The following WWOX variants were observed in gnomAD, a reference collection of about 807,000 sequenced individuals.
WWOX encodes the protein WW domain-containing oxidoreductase.
WWOX carries 69 observed loss-of-function variants against 46.2 expected under a neutral mutation model. The observed-to-expected ratio is 1.49, with a 90% confidence interval of 1.23 to 1.82. The LOEUF is 1.82. Among genes scored for constraint, WWOX ranks in the 40% most tolerant of loss-of-function variants. The probability of loss-of-function intolerance (pLI) is 0.00; values close to 1 mark genes in which losing one functional copy is unlikely to be tolerated. For missense variants in WWOX, 919 were observed against 542.6 expected (o/e 1.69, Z -6.89); for synonymous variants, 359 against 202.6 (o/e 1.77, Z -6.56).
chr16:78,119,687 A>G (rs1763677526), intron 4 of WWOX, among the ~76,000 whole-genome samples: 1 of 151,932 alleles, frequency 6.6e-6, no homozygotes, highest in South Asian at 2.1e-4. Flanking sequence ...GTTGGTCTCA[A>G]ACTCCTGGGT....
Position 78,677,043 on chromosome 16 carries a change from A to G in WWOX, c.1056+244291A>G, listed in dbSNP as rs146331414. Among the ~76,000 whole-genome samples, 22 of 145,072 alleles carry G rather than the reference A, an allele frequency of 1.5e-4. No homozygotes were observed. In the East Asian group the frequency reaches 4.5e-3, roughly 29 times the overall value. On this transcript the variant is annotated intron_variant, in intron 8 of 8. Coordinates refer to ENST00000566780, the MANE Select transcript of WWOX (RefSeq NM_016373.4). ...AAAAGCAACAAAAGCAGTTTTTATG[A>G]ATACCTAGCGTACTTTTTTTTTTTA...
chr16:78,118,396 A>G (rs1567581220), intron 4 of WWOX, among the ~76,000 whole-genome samples: 1 of 152,148 alleles, frequency 6.6e-6, no homozygotes, highest in Non-Finnish European at 1.5e-5. Context: ...TTTTATAATT[A>G]AGGTTTATAG....
chr16:78,205,593 C>G (rs923298108), intron 5 of WWOX, among the ~76,000 whole-genome samples: 1 of 151,924 alleles, frequency 6.6e-6, no homozygotes, highest in African/African-American at 2.4e-5. Context: ...ACTCACCCAC[C>G]CATCCATACA....
intron 6 of WWOX, among the ~76,000 whole-genome samples, chr16:78,404,528 A>G (rs1236496683): frequency 1.3e-5 from 2 of 152,140 alleles, no homozygotes; most frequent in Non-Finnish European, 2.9e-5. Context: ...TGTATGAATA[A>G]TAGTCACTTT....
At chr16:79,045,802 T>C (rs2048054860) in intron 8 of WWOX, among the ~76,000 whole-genome samples, 2 of 103,844 alleles carry the variant, frequency 1.9e-5, no homozygotes, top group African/African-American at 8.3e-5. Flanking sequence ...TTTTTTTTTT[T>C]TTTTTTTTTT....
At chr16:78,668,830 G>A (rs1012750348) in intron 8 of WWOX, among the ~76,000 whole-genome samples, 3 of 152,194 alleles carry the variant, frequency 2.0e-5, no homozygotes, top group African/African-American at 7.2e-5. Flanking sequence ...TTCAGAGCGT[G>A]TCTGAGTCTT....
At chr16:78,692,037 C>G (rs1213865905) in intron 8 of WWOX, among the ~76,000 whole-genome samples, 1 of 152,194 alleles carries the variant, frequency 6.6e-6, no homozygotes. Context: ...GTGCCTTTTG[C>G]CTACCACCAT....
At chr16:78,927,475 C>A (rs2045525070) in intron 8 of WWOX, among the ~76,000 whole-genome samples, 1 of 152,132 alleles carries the variant, frequency 6.6e-6, no homozygotes, top group Non-Finnish European at 1.5e-5. Flanking sequence ...CTCTTTTCAT[C>A]CCCTTGCCTC....
At chr16:79,136,300 G>A (rs937077620) in intron 8 of WWOX, among the ~76,000 whole-genome samples, 4 of 151,310 alleles carry the variant, frequency 2.6e-5, no homozygotes, top group African/African-American at 7.3e-5. Context: ...GTGCAATCTC[G>A]GCTCACTGCA....
chr16:78,422,182 T>C (rs73572807), intron 6 of WWOX, among the ~76,000 whole-genome samples: 13,209 of 152,164 alleles, frequency 0.087, 1,654 homozygotes, highest in African/African-American at 0.28. Flanking sequence ...AAGAACTCTT[T>C]ATATACTAAA....
chr16:78,971,622 G>C (rs1385417864), intron 8 of WWOX, among the ~76,000 whole-genome samples: 1 of 151,974 alleles, frequency 6.6e-6, no homozygotes, highest in Non-Finnish European at 1.5e-5. Context: ...GGTACTGGGT[G>C]GACCAAATCT....
chr16:79,136,695 C>T (rs1337313098), intron 8 of WWOX, among the ~76,000 whole-genome samples: 1 of 152,178 alleles, frequency 6.6e-6, no homozygotes, highest in East Asian at 1.9e-4. Flanking sequence ...TTTCTAGTTG[C>T]ATGACCTGGG....
Position 78,432,306 on chromosome 16 carries a change from A to G in WWOX, c.792-182A>G, listed in dbSNP as rs139187704. ...TTTTTAGTAGAGATGGCATTTTGCCATGTTGGCCAGGCTGGTCTTGAACTC... is the reference window on the plus strand; with the variant it reads ...TTTTTAGTAGAGATGGCATTTTGCCGTGTTGGCCAGGCTGGTCTTGAACTC... On this transcript the variant is annotated intron_variant, in intron 7 of 8. Transcript: ENST00000566780. Among the ~76,000 whole-genome samples the G allele has an allele frequency of 0.018, 2,662 of 152,114 alleles. 39 individuals carry two copies. The highest frequency in any genetic ancestry group is 0.029 in the Non-Finnish European group (2,000 of 67,986).
chr16:78,482,147 T>C (rs1291317551), intron 8 of WWOX, among the ~76,000 whole-genome samples: 1 of 151,262 alleles, frequency 6.6e-6, no homozygotes, highest in Non-Finnish European at 1.5e-5. Flanking sequence ...TTCATGTCTT[T>C]TTACATCACA....
intron 8 of WWOX, among the ~76,000 whole-genome samples, chr16:78,708,197 CAACAAA>C (rs1049406223): frequency 1.2e-4 from 18 of 151,966 alleles, no homozygotes; most frequent in African/African-American, 3.9e-4. Flanking sequence ...TGTCTTAAAA[CAACAAA>C]AACAAAAACA....
intron 8 of WWOX, among the ~76,000 whole-genome samples, chr16:78,461,229 G>T (rs754724180): frequency 3.9e-5 from 6 of 152,156 alleles, no homozygotes; most frequent in African/African-American, 1.4e-4. Flanking sequence ...GAGCCCACCT[G>T]TCCAATTCTA....
intron 8 of WWOX, among the ~76,000 whole-genome samples, chr16:78,913,387 G>C (rs778192079): frequency 6.6e-6 from 1 of 151,880 alleles, no homozygotes; most frequent in African/African-American, 2.4e-5. Flanking sequence ...GTTGGAAGAC[G>C]AGACGTTGGC....
At position 79,147,232 on chromosome 16, in the gene WWOX, A is replaced by C. The variant is rs74662190; in HGVS notation, c.1057-64376A>C. Among the ~76,000 whole-genome samples, 427 of 152,308 alleles carry C rather than the reference A, an allele frequency of 2.8e-3. 9 individuals carry two copies. The East Asian group carries it at 0.059, about 21-fold the overall frequency. On this transcript the variant is annotated intron_variant, in intron 8 of 8. Transcript: ENST00000566780. Reference sequence around the variant, plus strand: ...CAAAATTCCCTTGCGTTGCCTTGCAAACCACACCCACCTTCCTTCTGCGCC... The same window carrying C: ...CAAAATTCCCTTGCGTTGCCTTGCACACCACACCCACCTTCCTTCTGCGCC...
chr16:78,941,870 C>G (rs1428491746), intron 8 of WWOX, among the ~76,000 whole-genome samples: 1 of 151,996 alleles, frequency 6.6e-6, no homozygotes, highest in South Asian at 2.1e-4. Flanking sequence ...GTTCTTTTTG[C>G]CCACTTATTT....
Sources: gnomAD v4.1 joint callset for allele counts (sites outside exome capture counted in the v4.1 genomes callset) on GRCh38, gnomAD v4.1.1 for gene constraint, MANE v1.5 for transcripts, NCBI Gene and HGNC (gene_info 2026-07-23, HGNC 2026-07-21) for gene names.